The following UBOX5 variants were observed in gnomAD, a reference collection of about 807,000 sequenced individuals.
The protein encoded by UBOX5 is U-box domain containing 5, also known as RING finger protein 37.
A neutral mutation model predicts 39.0 loss-of-function variants in UBOX5; 28 were observed. That is an observed-to-expected ratio of 0.72 (90% CI 0.53 to 0.98). UBOX5 has a LOEUF of 0.98. Among genes scored for constraint, UBOX5 ranks in the 50% least tolerant of loss-of-function variants. The pLI is 0.00. For synonymous variants in UBOX5, 283 were observed against 275.5 expected (o/e 1.03, Z -0.27); for missense variants, 585 against 674.4 (o/e 0.87, Z 1.47).
chr20:3,144,320 T>C (rs1162033203), intron 1 of UBOX5, among the ~76,000 whole-genome samples: 1 of 152,136 alleles, frequency 6.6e-6, no homozygotes, highest in Non-Finnish European at 1.5e-5. Context: ...TGAAAATCCA[T>C]AAATAACCCC....
chr20:3,146,961 T>C, intron 1 of UBOX5: 1 of 1,614,214 alleles, frequency 6.2e-7, no homozygotes, highest in Admixed American at 1.7e-5. Context: ...TACTGGTTCC[T>C]GTTTGTGAAC....
intron 1 of UBOX5, among the ~76,000 whole-genome samples, chr20:3,134,516 C>T (rs1442937437): frequency 1.4e-5 from 2 of 146,684 alleles, no homozygotes; most frequent in East Asian, 2.0e-4. Context: ...TAAGTTCGCA[C>T]CATTGCACTC....
chr20:3,121,174 C>T (rs1011487927), intron 3 of UBOX5, among the ~76,000 whole-genome samples: 1 of 152,148 alleles, frequency 6.6e-6, no homozygotes, highest in South Asian at 2.1e-4. Context: ...TGAGAATAGA[C>T]GAGAACACAT....
chr20:3,129,617 A>G (rs2066414671), intron 1 of UBOX5, among the ~76,000 whole-genome samples: 1 of 152,180 alleles, frequency 6.6e-6, no homozygotes, highest in African/African-American at 2.4e-5. Context: ...AGGAACTTCA[A>G]TAAGAAACAG....
In UBOX5 at chr20:3,123,427, A is replaced by G. The variant is rs952301278; in HGVS notation, c.-41-21T>C. The G allele has an allele frequency of 1.3e-5, 19 of 1,502,658 alleles. No individual in the cohort carries two copies. In the African/African-American group the frequency reaches 2.2e-4, roughly 18 times the overall value. The allele number at this position is 1,502,658 out of a possible 1,614,324, so 93.1% of individuals were successfully genotyped here. ...GCAGCCTTAAATAAGAAATAAAACT[A>G]TGTATTAGAAAATGTAAAATTCAAT... On this transcript the variant is annotated intron_variant, in intron 1 of 4. Transcript: ENST00000217173.
intron 1 of UBOX5, among the ~76,000 whole-genome samples, chr20:3,141,855 T>C (rs1480413770): frequency 2.0e-5 from 3 of 151,522 alleles, no homozygotes; most frequent in Non-Finnish European, 4.4e-5. Context: ...CTACAAAATA[T>C]AAAAATTTAG....
At chr20:3,124,291 G>GCTCGCTGCAACCTCCCTGC in intron 1 of UBOX5, among the ~76,000 whole-genome samples, 1 of 152,282 alleles carries the variant, frequency 6.6e-6, no homozygotes, top group African/African-American at 2.4e-5. Context: ...CGTGATCTCA[G>GCTCGCTGCAACCTCCCTGC]CTCGCTGCAA....
chr20:3,138,703 T>C (rs1452561882), intron 1 of UBOX5, among the ~76,000 whole-genome samples: 1 of 152,212 alleles, frequency 6.6e-6, no homozygotes, highest in Non-Finnish European at 1.5e-5. Flanking sequence ...TCGAAGGTTG[T>C]TGTCTGTGCT....
intron 1 of UBOX5, among the ~76,000 whole-genome samples, chr20:3,134,074 ATGT>A (rs927981006): frequency 1.3e-5 from 2 of 151,958 alleles, no homozygotes; most frequent in African/African-American, 4.8e-5. Context: ...GCTTTATCTA[ATGT>A]TGTCTGTCAT....
chr20:3,151,219 G>T (rs2066620878), intron 1 of UBOX5, among the ~76,000 whole-genome samples: 2 of 152,116 alleles, frequency 1.3e-5, no homozygotes, highest in Admixed American at 1.3e-4. Flanking sequence ...GGACCATTCT[G>T]CCCACCAAAT....
At chr20:3,156,472 C>T (rs1346434838) in intron 1 of UBOX5, among the ~76,000 whole-genome samples, 2 of 152,256 alleles carry the variant, frequency 1.3e-5, no homozygotes, top group Admixed American at 6.5e-5. Context: ...CCACCACGCC[C>T]GGCCTGACTC....
chr20:3,138,075 T>C (rs903736812), intron 1 of UBOX5, among the ~76,000 whole-genome samples: 6 of 152,146 alleles, frequency 3.9e-5, no homozygotes, highest in African/African-American at 1.4e-4. Flanking sequence ...GAGTTTGAGA[T>C]AAGCCTGGCC....
intron 1 of UBOX5, among the ~76,000 whole-genome samples, chr20:3,127,681 T>C (rs1349199118): frequency 6.6e-6 from 1 of 152,222 alleles, no homozygotes; most frequent in East Asian, 1.9e-4. Flanking sequence ...TGAATACTTC[T>C]TTATGCCTTC....
chr20:3,136,593 G>A (rs1048390856), intron 1 of UBOX5, among the ~76,000 whole-genome samples: 1 of 151,764 alleles, frequency 6.6e-6, no homozygotes, highest in African/African-American at 2.4e-5. Context: ...GACCTCAAGC[G>A]ATCCACCCAC....
At chr20:3,130,000 C>T (rs2066417209) in intron 1 of UBOX5, among the ~76,000 whole-genome samples, 1 of 152,122 alleles carries the variant, frequency 6.6e-6, no homozygotes, top group Admixed American at 6.5e-5. Flanking sequence ...GAGACCAAGG[C>T]AGGAGGATTG....
chr20:3,126,340 A>G (rs1482439970), intron 1 of UBOX5, among the ~76,000 whole-genome samples: 1 of 151,974 alleles, frequency 6.6e-6, no homozygotes, highest in Non-Finnish European at 1.5e-5. Flanking sequence ...ACCACTCCCT[A>G]ATCTCAAGTA....
rs1457733969 is a variant in UBOX5, at chr20:3,121,591, A to G, written c.1048T>C (p.Leu350=). ...ACAATGGAAGAAGGGATCACTGCCA[A>G]TGCCGTCTGTGCTCTCCCAAGCAGG... is the stretch of plus-strand genomic sequence containing the variant. The part of the protein sequence containing the change: ...CHLLGRAQTA[L]AVIPSSIVLP... Residue 350 remains leucine, a synonymous_variant, in exon 3 of 5, where the codon TTG becomes CTG. Transcript: ENST00000217173. 4 of 1,604,978 alleles carry G rather than the reference A, an allele frequency of 2.5e-6. No individual in the cohort carries two copies. Among genetic ancestry groups the G allele is most frequent in the Non-Finnish European group, 3.4e-6 (4 of 1,175,632 alleles).
intron 3 of UBOX5, chr20:3,116,570 A>G (rs2148589510): frequency 6.6e-6 from 1 of 152,344 alleles, no homozygotes; most frequent in East Asian, 1.9e-4. Context: ...GGCCAACAGG[A>G]CTGAGACCTC....
Position 3,121,697 on chromosome 20 carries a change from C to A in UBOX5, c.942G>T (p.Pro314=). 2 of 1,613,882 alleles carry A rather than the reference C, an allele frequency of 1.2e-6. No homozygotes were observed. The highest frequency in any genetic ancestry group is 1.7e-6 in the Non-Finnish European group (2 of 1,179,984). The part of the protein sequence containing the change: ...SDPFTGVAFT[P]HSQPLPHPSL... ...AGGGGTGAGGCAGGGGCTGAGAGTG[C>A]GGAGTAAAAGCTACCCCCGTGAAAG... Residue 314 remains proline (P), a synonymous_variant, in exon 3 of 5, where the codon CCG becomes CCT. Transcript: ENST00000217173.
Sources: allele counts gnomAD v4.1 joint callset (sites outside exome capture counted in the v4.1 genomes callset), GRCh38; gene constraint gnomAD v4.1.1; transcripts MANE v1.5; gene names NCBI Gene and HGNC (gene_info 2026-07-23, HGNC 2026-07-21).